NOL4: variants seen among roughly 807,000 people sequenced by gnomAD.
NOL4 encodes the protein cancer/testis antigen 125.
A neutral mutation model predicts 75.9 loss-of-function variants in NOL4; 17 were observed. The ratio of observed to expected loss-of-function variants is 0.22; its 90% CI spans 0.15 to 0.34. The LOEUF (loss-of-function observed/expected upper bound fraction) is 0.34. Among genes scored for constraint, NOL4 ranks in the 10% least tolerant of loss-of-function variants. The pLI is 1.00. For missense variants in NOL4, 614 were observed against 793.5 expected (o/e 0.77, Z 2.72); for synonymous variants, 292 against 289.9 (o/e 1.01, Z -0.07).
At chr18:33,985,100 A>T (rs1007040347) in intron 6 of NOL4, among the ~76,000 whole-genome samples, 2 of 152,134 alleles carry the variant, frequency 1.3e-5, no homozygotes, top group Non-Finnish European at 2.9e-5. Flanking sequence ...TCAGAACAAA[A>T]ACTGATCAAA....
At chr18:34,175,393 T>G (rs576370731) in intron 1 of NOL4, among the ~76,000 whole-genome samples, 2 of 152,232 alleles carry the variant, frequency 1.3e-5, no homozygotes, top group East Asian at 3.9e-4. Context: ...GGATAACAGT[T>G]GAATCAAATA....
chr18:34,157,492 G>A (rs551729124), intron 1 of NOL4, among the ~76,000 whole-genome samples: 76 of 152,028 alleles, frequency 5.0e-4, no homozygotes, highest in Middle Eastern at 6.8e-3. Flanking sequence ...CCATGAAGTA[G>A]CTCAGAAAAA....
chr18:34,214,990 G>A (rs1282990318), intron 1 of NOL4, among the ~76,000 whole-genome samples: 1 of 152,080 alleles, frequency 6.6e-6, no homozygotes, highest in Non-Finnish European at 1.5e-5. Context: ...AACTAAAATG[G>A]CACTTCACCA....
intron 8 of NOL4, among the ~76,000 whole-genome samples, chr18:33,955,633 C>T (rs1286809596): frequency 6.6e-6 from 1 of 151,850 alleles, no homozygotes; most frequent in African/African-American, 2.4e-5. Flanking sequence ...GTTCACAGTC[C>T]CGGTGTTGAG....
intron 6 of NOL4, among the ~76,000 whole-genome samples, chr18:33,995,299 TCAC>T (rs1193939098): frequency 9.9e-5 from 15 of 151,592 alleles, no homozygotes; most frequent in Non-Finnish European, 1.9e-4. Context: ...GCTACAGACA[TCAC>T]AAAGAAAGAA....
At chr18:34,080,486 T>C (rs2077957196) in intron 5 of NOL4, among the ~76,000 whole-genome samples, 1 of 152,122 alleles carries the variant, frequency 6.6e-6, no homozygotes, top group Non-Finnish European at 1.5e-5. Flanking sequence ...AAGGCATATA[T>C]TACCCCTAAT....
At chr18:34,015,569 A>T (rs1941342) in intron 6 of NOL4, among the ~76,000 whole-genome samples, 61,818 of 151,700 alleles carry the variant, frequency 0.41, 13,093 homozygotes, top group Non-Finnish European at 0.47. Context: ...TAATGGATTG[A>T]TATTCTGCGA....
At chr18:34,007,737 A>G (rs2074118494) in intron 6 of NOL4, among the ~76,000 whole-genome samples, 1 of 151,962 alleles carries the variant, frequency 6.6e-6, no homozygotes, top group Non-Finnish European at 1.5e-5. Flanking sequence ...TCATTCATGG[A>G]TTTTACCTCC....
At chr18:34,133,587 T>C (rs1224462419) in intron 1 of NOL4, among the ~76,000 whole-genome samples, 3 of 152,210 alleles carry the variant, frequency 2.0e-5, no homozygotes, top group East Asian at 3.9e-4. Flanking sequence ...TTTATTGGAA[T>C]AATAACATAG....
chr18:34,112,003 T>G (rs2079611077), intron 2 of NOL4, among the ~76,000 whole-genome samples: 1 of 152,090 alleles, frequency 6.6e-6, no homozygotes, highest in Non-Finnish European at 1.5e-5. Flanking sequence ...CCAAAGGAAA[T>G]GGAAATCATT....
intron 9 of NOL4, among the ~76,000 whole-genome samples, chr18:33,934,924 T>C (rs1331786136): frequency 2.1e-5 from 3 of 144,698 alleles, no homozygotes; most frequent in Non-Finnish European, 3.0e-5. Flanking sequence ...GGTGGCACAA[T>C]CATGGCTCAC....
chr18:33,988,919 T>C (rs906416708), intron 6 of NOL4, among the ~76,000 whole-genome samples: 2 of 152,114 alleles, frequency 1.3e-5, no homozygotes, highest in Non-Finnish European at 2.9e-5. Flanking sequence ...TTGGCAAGAC[T>C]GGGCACAGTG....
chr18:34,150,940 A>T (rs1477990240), intron 1 of NOL4, among the ~76,000 whole-genome samples: 1 of 151,816 alleles, frequency 6.6e-6, no homozygotes, highest in Non-Finnish European at 1.5e-5. Flanking sequence ...TGTACAAAAG[A>T]TCTGAACAGA....
At chr18:34,113,857 C>T (rs888964336) in intron 2 of NOL4, among the ~76,000 whole-genome samples, 3 of 152,068 alleles carry the variant, frequency 2.0e-5, no homozygotes, top group Non-Finnish European at 4.4e-5. Context: ...GACTCTTACC[C>T]TAATGAAAGG....
intron 1 of NOL4, among the ~76,000 whole-genome samples, chr18:34,139,832 CT>C (rs2081065729): frequency 6.6e-6 from 1 of 152,154 alleles, no homozygotes; most frequent in African/African-American, 2.4e-5. Flanking sequence ...ATAAACTTCC[CT>C]CTACACACTG....
At chr18:34,179,050 A>G (rs2033804079) in intron 1 of NOL4, among the ~76,000 whole-genome samples, 1 of 151,656 alleles carries the variant, frequency 6.6e-6, no homozygotes, top group Admixed American at 6.6e-5. Flanking sequence ...AATTTGGAAA[A>G]TTCACTAATG....
chr18:34,049,067 G>GGC (rs536359117), intron 5 of NOL4, among the ~76,000 whole-genome samples: 121 of 127,754 alleles, frequency 9.5e-4, no homozygotes, highest in South Asian at 3.1e-3. Flanking sequence ...GTTAGATACA[G>GGC]GCGCGCGCAC....
chr18:34,158,769 C>T (rs1307406613), intron 1 of NOL4: 1 of 152,076 alleles, frequency 6.6e-6, no homozygotes, highest in Non-Finnish European at 1.5e-5. Context: ...TATATTTCTT[C>T]TGATAATTAA....
At chr18:33,862,258 CA>C (rs1211112936) in intron 10 of NOL4, among the ~76,000 whole-genome samples, 26 of 149,184 alleles carry the variant, frequency 1.7e-4, no homozygotes, top group Admixed American at 1.5e-3. Flanking sequence ...ACACCTTATA[CA>C]AAAATTAATT....
Sources: gnomAD v4.1 joint callset for allele counts (sites outside exome capture counted in the v4.1 genomes callset) on GRCh38, gnomAD v4.1.1 for gene constraint, MANE v1.5 for transcripts, NCBI Gene and HGNC (gene_info 2026-07-23, HGNC 2026-07-21) for gene names.